The following KCNK5 variants were observed in gnomAD, a reference collection of about 807,000 sequenced individuals.
KCNK5 encodes potassium two pore domain channel subfamily K member 5.
KCNK5 carries 18 observed loss-of-function variants against 32.9 expected under a neutral mutation model. The ratio of observed to expected loss-of-function variants is 0.55; its 90% CI spans 0.38 to 0.81. KCNK5 has a LOEUF of 0.81. KCNK5 is among the 30% of genes least tolerant of loss of function. The probability of loss-of-function intolerance (pLI) is 0.00; values close to 1 mark genes in which losing one functional copy is unlikely to be tolerated. For missense variants in KCNK5, 507 were observed against 651.0 expected (o/e 0.78, Z 2.41); for synonymous variants, 276 against 275.3 (o/e 1.00, Z -0.03).
rs770637423 is a variant in KCNK5, at chr6:39,228,915, C to T, written c.186+11G>A. 6.2e-7 allele frequency: 1 copy of T among 1,613,624 alleles called. No homozygotes were observed. Among genetic ancestry groups the T allele is most frequent in the Non-Finnish European group, 8.5e-7 (1 of 1,179,696 alleles). On this transcript the variant is annotated intron_variant, in intron 1 of 4. Transcript: ENST00000359534. ...CTTCAGATGTATATGGGGGTACAGG[C>T]GGCGACTGACCTCTAGGATCTTGTC...
At chr6:39,227,727 C>T (rs748530992) in intron 1 of KCNK5, among the ~76,000 whole-genome samples, 1 of 152,090 alleles carries the variant, frequency 6.6e-6, no homozygotes, top group Non-Finnish European at 1.5e-5. Context: ...CCTAACAGTC[C>T]GTGGCAGAAA....
chr6:39,202,969 C>G (rs2113785337), intron 1 of KCNK5, among the ~76,000 whole-genome samples: 1 of 152,286 alleles, frequency 6.6e-6, no homozygotes, highest in Middle Eastern at 3.4e-3. Context: ...TGAAAAGAAC[C>G]TAGGACTCAG....
intron 1 of KCNK5, among the ~76,000 whole-genome samples, chr6:39,219,234 G>A (rs943249556): frequency 1.3e-5 from 2 of 152,166 alleles, no homozygotes; most frequent in Non-Finnish European, 2.9e-5. Context: ...GGGGGCTCCT[G>A]GAGATAAACA....
At chr6:39,206,884 C>T (rs529001059) in intron 1 of KCNK5, among the ~76,000 whole-genome samples, 21 of 152,282 alleles carry the variant, frequency 1.4e-4, no homozygotes, top group African/African-American at 3.6e-4. Flanking sequence ...GCACATGGGG[C>T]GTGTTCCAGA....
chr6:39,222,854 G>C (rs553334785), intron 1 of KCNK5, among the ~76,000 whole-genome samples: 1 of 152,302 alleles, frequency 6.6e-6, no homozygotes, highest in South Asian at 2.1e-4. Context: ...AAACAGAAAG[G>C]AGAATGGTGG....
intron 1 of KCNK5, among the ~76,000 whole-genome samples, chr6:39,227,943 T>C (rs1771703744): frequency 6.6e-6 from 1 of 152,104 alleles, no homozygotes; most frequent in African/African-American, 2.4e-5. Context: ...TGCTGCAATC[T>C]AGAACTTTCA....
At chr6:39,222,711 G>A (rs1348211786) in intron 1 of KCNK5, among the ~76,000 whole-genome samples, 1 of 152,164 alleles carries the variant, frequency 6.6e-6, no homozygotes, top group African/African-American at 2.4e-5. Context: ...TAGGAGCACT[G>A]CATCACTCAG....
chr6:39,206,935 T>A (rs1392642664), intron 1 of KCNK5, among the ~76,000 whole-genome samples: 1 of 152,210 alleles, frequency 6.6e-6, no homozygotes, highest in Non-Finnish European at 1.5e-5. Flanking sequence ...CTATTATTGC[T>A]CTGTGAATAG....
At chr6:39,226,408 T>C (rs2113800944) in intron 1 of KCNK5, among the ~76,000 whole-genome samples, 1 of 152,228 alleles carries the variant, frequency 6.6e-6, no homozygotes, top group South Asian at 2.1e-4. Flanking sequence ...CGGGGGGTAT[T>C]TCTAAAGAAA....
chr6:39,216,967 C>G (rs1771448635), intron 1 of KCNK5, among the ~76,000 whole-genome samples: 1 of 151,588 alleles, frequency 6.6e-6, no homozygotes, highest in African/African-American at 2.4e-5. Context: ...ACTAAAAATA[C>G]AAACTTAGCT....
At chr6:39,196,606 C>T (rs988787403) in intron 1 of KCNK5, among the ~76,000 whole-genome samples, 1 of 152,138 alleles carries the variant, frequency 6.6e-6, no homozygotes, top group African/African-American at 2.4e-5. Context: ...GACTTGTCCT[C>T]GGAGGGCATG....
At chr6:39,195,071 C>A (rs1323234279) in intron 2 of KCNK5, among the ~76,000 whole-genome samples, 1 of 146,052 alleles carries the variant, frequency 6.8e-6, no homozygotes, top group Non-Finnish European at 1.5e-5. Flanking sequence ...TGTGTAGATT[C>A]CCCAGAAGCA....
At chr6:39,213,405 A>G (rs1771375354) in intron 1 of KCNK5, among the ~76,000 whole-genome samples, 1 of 152,180 alleles carries the variant, frequency 6.6e-6, no homozygotes, top group Admixed American at 6.6e-5. Flanking sequence ...TAACGGAGAG[A>G]ACCACACACT....
intron 1 of KCNK5, among the ~76,000 whole-genome samples, chr6:39,220,092 C>T (rs1407869516): frequency 6.6e-6 from 1 of 152,220 alleles, no homozygotes; most frequent in African/African-American, 2.4e-5. Context: ...GGGGGCTCTG[C>T]TGTGTCCTCC....
chr6:39,217,025 T>G (rs1486533202), intron 1 of KCNK5, among the ~76,000 whole-genome samples: 1 of 138,332 alleles, frequency 7.2e-6, no homozygotes, highest in Non-Finnish European at 1.5e-5. Flanking sequence ...GAGGCTGAGG[T>G]GGGAGAATCG....
chr6:39,194,469 G>T lies in KCNK5; in HGVS notation c.465+125C>A. On this transcript the variant is annotated intron_variant, in intron 3 of 4. Coordinates refer to ENST00000359534, the MANE Select transcript of KCNK5 (RefSeq NM_003740.4). The surrounding 1 kb of genome is among the most constrained non-coding windows in gnomAD (Gnocchi z 4.7). ...CCAGCCTGACCCGGGAGGGCAAGGA[G>T]CTCTGAAACTATCCTCTTGCCATCT... The T allele has an allele frequency of 7.0e-7, 1 of 1,420,290 alleles. No individual in the cohort carries two copies. The highest frequency in any genetic ancestry group is 1.4e-5 in the African/African-American group (1 of 70,076). 88.0% of individuals were successfully genotyped at this position (1,420,290 alleles called of 1,614,324 possible). A position where few individuals can be genotyped will look rare whatever the true frequency, so the allele number is the denominator to read the frequency against.
Position 39,191,396 on chromosome 6 carries a change from C to A in KCNK5, c.994G>T (p.Gly332Cys). 6.2e-7 allele frequency: 1 copy of A among 1,613,336 alleles called. No homozygotes were observed. ...GPGPGLGPQG[G>C]GLPALPPSLV... The stretch of plus-strand genomic sequence containing the variant: ...GAAGGGGGCAGTGCTGGGAGCCCAC[C>A]GCCTTGAGGCCCCAGCCCTGGGCCC... The change falls in exon 5 of 5, where the codon GGT becomes TGT. Residue 332 changes from glycine to cysteine, a missense_variant. Transcript: ENST00000359534. This position sits in a 1 kb window ranked among gnomAD's most constrained non-coding sequence, Gnocchi z 5.8.
At position 39,191,039 on chromosome 6, in the gene KCNK5, G is replaced by A. The variant is rs1052198669; in HGVS notation, c.1351C>T (p.Gln451Ter). The change falls in exon 5 of 5, where the codon CAG becomes TAG. Residue 451 changes from glutamine (Q) to a stop codon, truncating the protein, a stop_gained. Coordinates refer to ENST00000359534, the MANE Select transcript of KCNK5 (RefSeq NM_003740.4). LOFTEE classifies it high-confidence loss of function. This position sits in a 1 kb window ranked among gnomAD's most constrained non-coding sequence, Gnocchi z 5.8. ...AGGGGCGCCTTGGCTTCAGCCCCCTGCTGGGGGCTCTCCTCCCCTGCCAAG... is the reference window on the plus strand; with the variant it reads ...AGGGGCGCCTTGGCTTCAGCCCCCTACTGGGGGCTCTCCTCCCCTGCCAAG... Reference protein sequence around the residue: ...DNLAGEESPQQGAEAKAPLNM... With the variant: ...DNLAGEESPQ The A allele has an allele frequency of 2.5e-6, 4 of 1,609,882 alleles. No individual in the cohort carries two copies. Among genetic ancestry groups the A allele is most frequent in the Non-Finnish European group, 3.4e-6 (4 of 1,177,882 alleles).
At chr6:39,219,755 G>A (rs184164081) in intron 1 of KCNK5, among the ~76,000 whole-genome samples, 27 of 152,214 alleles carry the variant, frequency 1.8e-4, no homozygotes, top group African/African-American at 6.3e-4. Context: ...CTGGACAGAC[G>A]GACACAACAA....
Sources: allele counts gnomAD v4.1 joint callset (sites outside exome capture counted in the v4.1 genomes callset), GRCh38; gene constraint gnomAD v4.1.1; non-coding constraint Gnocchi (gnomAD v3.1); transcripts MANE v1.5; gene names NCBI Gene and HGNC (gene_info 2026-07-23, HGNC 2026-07-21).